NRG3: variants seen among roughly 807,000 people sequenced by gnomAD.
NRG3 encodes neuregulin 3, also known as pro-neuregulin-3, membrane-bound isoform.
A neutral mutation model predicts 66.9 loss-of-function variants in NRG3; 31 were observed. The observed-to-expected ratio is 0.46, with a 90% CI of 0.35 to 0.63. The LOEUF (loss-of-function observed/expected upper bound fraction) is 0.63, where lower values mean the gene tolerates loss of function less well. Ranked by LOEUF, NRG3 falls within the 20% of genes least tolerant of loss-of-function variation. The pLI is 0.00. For missense variants in NRG3, 910 were observed against 878.9 expected, an observed-to-expected ratio of 1.04 and a Z score of -0.45; for synonymous variants, 393 against 359.4, an observed-to-expected ratio of 1.09 and a Z score of -1.06.
chr10:82,202,758 T>C (rs951723978), intron 1 of NRG3, among the ~76,000 whole-genome samples: 4 of 152,126 alleles, frequency 2.6e-5, no homozygotes, highest in Admixed American at 2.6e-4. Flanking sequence ...TGTGTTGTTG[T>C]TTGTTTGTTT....
chr10:82,760,800 T>G (rs1357797018), intron 3 of NRG3, among the ~76,000 whole-genome samples: 1 of 152,036 alleles, frequency 6.6e-6, no homozygotes, highest in Non-Finnish European at 1.5e-5. Flanking sequence ...TTAACAGATT[T>G]TTTAATAAGA....
intron 1 of NRG3, among the ~76,000 whole-genome samples, chr10:82,103,901 G>A (rs1188982492): frequency 6.6e-6 from 1 of 151,126 alleles, no homozygotes; most frequent in Non-Finnish European, 1.5e-5. Flanking sequence ...AAATAAGTAG[G>A]GATTCCCCCA....
chr10:82,608,304 T>A (rs937528444), intron 2 of NRG3, among the ~76,000 whole-genome samples: 2 of 152,168 alleles, frequency 1.3e-5, no homozygotes, highest in African/African-American at 4.8e-5. Flanking sequence ...TTGCTTCTTT[T>A]TATGTAAGGT....
intron 3 of NRG3, among the ~76,000 whole-genome samples, chr10:82,798,619 C>A (rs2060900413): frequency 6.6e-6 from 1 of 152,136 alleles, no homozygotes; most frequent in Non-Finnish European, 1.5e-5. Flanking sequence ...CACTTCTCTC[C>A]TCAAAGAAAA....
intron 3 of NRG3, among the ~76,000 whole-genome samples, chr10:82,760,652 A>G (rs2135054551): frequency 6.6e-6 from 1 of 152,230 alleles, no homozygotes; most frequent in African/African-American, 2.4e-5. Context: ...TGCATTACAG[A>G]GGCTATGGTT....
intron 3 of NRG3, among the ~76,000 whole-genome samples, chr10:82,810,991 T>C (rs1422374022): frequency 6.6e-6 from 1 of 152,204 alleles, no homozygotes; most frequent in Non-Finnish European, 1.5e-5. Context: ...GTGTGTCCTT[T>C]ACTTGCAGTG....
At chr10:82,212,847 A>G (rs1392800785) in intron 1 of NRG3, among the ~76,000 whole-genome samples, 1 of 152,234 alleles carries the variant, frequency 6.6e-6, no homozygotes, top group Non-Finnish European at 1.5e-5. Flanking sequence ...AACATACGTA[A>G]GTAAAACCTT....
At chr10:81,908,017 A>C (rs931277931) in intron 1 of NRG3, among the ~76,000 whole-genome samples, 2 of 152,176 alleles carry the variant, frequency 1.3e-5, no homozygotes, top group East Asian at 3.9e-4. Context: ...GGCCCTCTTT[A>C]ATTTGTTGAT....
chr10:82,336,655 T>C (rs986293198), intron 1 of NRG3, among the ~76,000 whole-genome samples: 6 of 152,040 alleles, frequency 3.9e-5, no homozygotes, highest in Non-Finnish European at 5.9e-5. Context: ...CCCAAGTAGC[T>C]GGGATTACAG....
chr10:82,174,232 A>G (rs2072858497), intron 1 of NRG3, among the ~76,000 whole-genome samples: 1 of 152,242 alleles, frequency 6.6e-6, no homozygotes, highest in South Asian at 2.1e-4. Context: ...TCAATTCCAA[A>G]TTGTTCTTTT....
intron 3 of NRG3, among the ~76,000 whole-genome samples, chr10:82,771,945 A>T (rs1462966594): frequency 6.6e-6 from 1 of 151,880 alleles, no homozygotes. Flanking sequence ...TTTGTGCTTT[A>T]TTTATTCTTC....
chr10:82,919,094 T>C (rs1846164067), intron 4 of NRG3, among the ~76,000 whole-genome samples: 1 of 128,758 alleles, frequency 7.8e-6, no homozygotes, highest in Non-Finnish European at 1.7e-5. Context: ...TGTGTGTGTG[T>C]GTGTGTATGT....
chr10:81,928,481 G>T (rs1372101705), intron 1 of NRG3, among the ~76,000 whole-genome samples: 3 of 152,184 alleles, frequency 2.0e-5, no homozygotes, highest in African/African-American at 7.2e-5. Flanking sequence ...ATTTGAAATA[G>T]CTGTATAAAA....
chr10:82,622,435 A>T (rs1279466916), intron 2 of NRG3, among the ~76,000 whole-genome samples: 1 of 152,138 alleles, frequency 6.6e-6, no homozygotes, highest in African/African-American at 2.4e-5. Context: ...GTGTTTATTC[A>T]TTACCTCTAC....
At chr10:82,477,287 C>T (rs930739358) in intron 2 of NRG3, among the ~76,000 whole-genome samples, 1 of 152,110 alleles carries the variant, frequency 6.6e-6, no homozygotes, top group African/African-American at 2.4e-5. Context: ...TAGGGTCTCA[C>T]GAGCAGAGTT....
At chr10:81,987,538 G>A (rs1187151665) in intron 1 of NRG3, among the ~76,000 whole-genome samples, 1 of 152,212 alleles carries the variant, frequency 6.6e-6, no homozygotes, top group African/African-American at 2.4e-5. Flanking sequence ...AGTCAAGAGT[G>A]TGTAAAAATG....
At chr10:81,890,839 G>A (rs1448054019) in intron 1 of NRG3, among the ~76,000 whole-genome samples, 2 of 152,172 alleles carry the variant, frequency 1.3e-5, no homozygotes, top group Non-Finnish European at 2.9e-5. Flanking sequence ...CCATTGAGCA[G>A]AGTGATCTTT....
intron 3 of NRG3, among the ~76,000 whole-genome samples, chr10:82,770,341 C>T (rs2059667962): frequency 6.6e-6 from 1 of 152,070 alleles, no homozygotes; most frequent in Non-Finnish European, 1.5e-5. Flanking sequence ...GCAGAGTTTA[C>T]AAGACACTAT....
At chr10:82,265,991 C>T (rs1035977416) in intron 1 of NRG3, among the ~76,000 whole-genome samples, 7 of 151,944 alleles carry the variant, frequency 4.6e-5, no homozygotes, top group Admixed American at 3.9e-4. Context: ...AGTTCTTAGG[C>T]GCCAATTGAT....
Sources: gnomAD v4.1 joint callset for allele counts (sites outside exome capture counted in the v4.1 genomes callset) on GRCh38, gnomAD v4.1.1 for gene constraint, MANE v1.5 for transcripts, NCBI Gene and HGNC (gene_info 2026-07-23, HGNC 2026-07-21) for gene names.